Variants in XRCC4 observed in about 807,000 individuals in gnomAD.
XRCC4 encodes the protein X-ray repair cross complementing 4, also known as DNA repair protein XRCC4.
A neutral mutation model predicts 39.1 loss-of-function variants in XRCC4; 28 were observed. That is an observed-to-expected ratio of 0.72 (90% confidence interval 0.53 to 0.98). The LOEUF (loss-of-function observed/expected upper bound fraction) is 0.98, where lower values mean the gene tolerates loss of function less well. Ranked by LOEUF, XRCC4 falls within the 50% of genes least tolerant of loss-of-function variation. XRCC4 has a pLI of 0.00. For synonymous variants in XRCC4, 123 were observed against 126.4 expected, an observed-to-expected ratio of 0.97 and a Z score of 0.18; for missense variants, 350 against 376.4, an observed-to-expected ratio of 0.93 and a Z score of 0.58.
intron 6 of XRCC4, among the ~76,000 whole-genome samples, chr5:83,236,915 C>A (rs1309907306): frequency 6.6e-6 from 1 of 151,158 alleles, no homozygotes; most frequent in Non-Finnish European, 1.5e-5. Context: ...ATCTGAATAG[C>A]AATTTCTCAA....
intron 6 of XRCC4, among the ~76,000 whole-genome samples, chr5:83,214,841 A>G (rs1474415471): frequency 8.0e-6 from 1 of 124,294 alleles, no homozygotes; most frequent in African/African-American, 2.7e-5. Flanking sequence ...CTTCTCAAAA[A>G]AAAAAAATAA....
intron 7 of XRCC4, among the ~76,000 whole-genome samples, chr5:83,343,374 A>G (rs1054094409): frequency 2.6e-5 from 4 of 152,178 alleles, no homozygotes; most frequent in African/African-American, 9.6e-5. Context: ...CAAGAATTTG[A>G]GACTTCATTC....
At chr5:83,083,569 G>A (rs962603866) in intron 1 of XRCC4, among the ~76,000 whole-genome samples, 3 of 151,772 alleles carry the variant, frequency 2.0e-5, no homozygotes, top group Non-Finnish European at 4.4e-5. Context: ...GTACAGACGG[G>A]GTTTCACCAT....
At chr5:83,150,322 C>T (rs1403166112) in intron 3 of XRCC4, among the ~76,000 whole-genome samples, 2 of 152,094 alleles carry the variant, frequency 1.3e-5, no homozygotes, top group East Asian at 3.9e-4. Flanking sequence ...AGCAGTGTCT[C>T]ATAATGAAGT....
At chr5:83,122,857 C>T (rs1180895852) in intron 3 of XRCC4, among the ~76,000 whole-genome samples, 1 of 151,988 alleles carries the variant, frequency 6.6e-6, no homozygotes, top group Admixed American at 6.6e-5. Flanking sequence ...GATATCGTGC[C>T]AATACTGGTT....
At chr5:83,250,359 A>T (rs1753259588) in intron 6 of XRCC4, among the ~76,000 whole-genome samples, 1 of 152,218 alleles carries the variant, frequency 6.6e-6, no homozygotes, top group Non-Finnish European at 1.5e-5. Flanking sequence ...ATAATATGGT[A>T]TTTCACACAG....
chr5:83,311,263 A>G (rs1403949242), intron 7 of XRCC4, among the ~76,000 whole-genome samples: 2 of 151,354 alleles, frequency 1.3e-5, no homozygotes, highest in Non-Finnish European at 2.9e-5. Context: ...GCACACAGTT[A>G]GGTAGAAGAA....
chr5:83,299,089 C>G (rs1755188232), intron 7 of XRCC4, among the ~76,000 whole-genome samples: 1 of 151,958 alleles, frequency 6.6e-6, no homozygotes. Flanking sequence ...GAAGTACATT[C>G]TCTAGAGTTT....
intron 3 of XRCC4, among the ~76,000 whole-genome samples, chr5:83,124,179 A>G (rs1283403874): frequency 6.6e-6 from 1 of 152,138 alleles, no homozygotes; most frequent in African/African-American, 2.4e-5. Context: ...TTGGTTCCAC[A>G]TATGGATTCA....
At chr5:83,141,880 A>G (rs1454031074) in intron 3 of XRCC4, among the ~76,000 whole-genome samples, 1 of 151,890 alleles carries the variant, frequency 6.6e-6, no homozygotes, top group African/African-American at 2.4e-5. Flanking sequence ...TGTTTGTGAC[A>G]GAAATGAATA....
At chr5:83,269,266 T>C (rs923351233) in intron 7 of XRCC4, among the ~76,000 whole-genome samples, 2 of 152,094 alleles carry the variant, frequency 1.3e-5, no homozygotes, top group African/African-American at 4.8e-5. Flanking sequence ...AATATAGTAA[T>C]GATGTACCTA....
Position 83,120,176 on chromosome 5 carries a change from G to A in XRCC4, c.315+8973G>A, listed in dbSNP as rs144348775. Among the ~76,000 whole-genome samples the A allele has an allele frequency of 5.8e-3, 882 of 152,172 alleles. 3 individuals are homozygous for A. Among genetic ancestry groups the A allele is most frequent in the Middle Eastern group, 0.01 (3 of 294 alleles). ...CATGCAATCTCATACTTCATCAAGC[G>A]CACTTGGTATTGTCACTGTTTATAC... On this transcript the variant is annotated intron_variant, in intron 3 of 7. Transcript: ENST00000396027.
At chr5:83,193,723 A>G (rs1462155308) in intron 3 of XRCC4, among the ~76,000 whole-genome samples, 1 of 152,216 alleles carries the variant, frequency 6.6e-6, no homozygotes, top group African/African-American at 2.4e-5. Flanking sequence ...CAAATGTTAA[A>G]AAAAACTTTT....
chr5:83,263,135 A>G (rs1468188192), intron 7 of XRCC4, among the ~76,000 whole-genome samples: 1 of 148,988 alleles, frequency 6.7e-6, no homozygotes, highest in South Asian at 2.1e-4. Flanking sequence ...GAGAATGATG[A>G]TTTCCAATTT....
chr5:83,325,682 T>TGCC (rs1756233917), intron 7 of XRCC4, among the ~76,000 whole-genome samples: 1 of 152,120 alleles, frequency 6.6e-6, no homozygotes, highest in Non-Finnish European at 1.5e-5. Flanking sequence ...GGTGTATATG[T>TGCC]ACATATTTTC....
At chr5:83,201,393 C>T (rs1386931152) in intron 4 of XRCC4, 1 of 152,288 alleles carries the variant, frequency 6.6e-6, no homozygotes, top group Non-Finnish European at 1.5e-5. Context: ...CCACTGGCCC[C>T]TAGTAAAATG....
At chr5:83,336,362 A>G (rs1461908220) in intron 7 of XRCC4, among the ~76,000 whole-genome samples, 2 of 152,052 alleles carry the variant, frequency 1.3e-5, no homozygotes, top group Non-Finnish European at 2.9e-5. Context: ...ATTCCAGACA[A>G]CTTTTAGAAT....
chr5:83,323,032 G>A (rs1455559035), intron 7 of XRCC4, among the ~76,000 whole-genome samples: 3 of 152,082 alleles, frequency 2.0e-5, no homozygotes, highest in African/African-American at 7.2e-5. Context: ...AGCCCTATTC[G>A]AAGTATGTGG....
chr5:83,315,687 C>T (rs776975720), intron 7 of XRCC4, among the ~76,000 whole-genome samples: 1 of 152,044 alleles, frequency 6.6e-6, no homozygotes, highest in Non-Finnish European at 1.5e-5. Context: ...GATGATACAC[C>T]TGATTATAGC....
Sources: allele counts gnomAD v4.1 joint callset (sites outside exome capture counted in the v4.1 genomes callset), GRCh38; gene constraint gnomAD v4.1.1; transcripts MANE v1.5; gene names NCBI Gene and HGNC (gene_info 2026-07-23, HGNC 2026-07-21).